The following TMTC1 variants were observed in gnomAD, a reference collection of about 807,000 sequenced individuals.
TMTC1 encodes the protein protein O-mannosyl-transferase TMTC1.
A neutral mutation model predicts 104.8 loss-of-function variants in TMTC1; 73 were observed. The ratio of observed to expected loss-of-function variants is 0.70; its 90% CI spans 0.58 to 0.85. The LOEUF is 0.85. Among genes scored for constraint, TMTC1 ranks in the 40% least tolerant of loss-of-function variants. The pLI is 0.00. For missense variants in TMTC1, 1,035 were observed against 1,096.1 expected, an observed-to-expected ratio of 0.94 and a Z score of 0.79; for synonymous variants, 434 against 428.7, an observed-to-expected ratio of 1.01 and a Z score of -0.15.
chr12:29,751,400 C>T (rs1943086742), intron 5 of TMTC1, among the ~76,000 whole-genome samples: 2 of 152,236 alleles, frequency 1.3e-5, no homozygotes, highest in South Asian at 2.1e-4. Context: ...TCTTCTGATG[C>T]CTGAGGCTGC....
chr12:29,575,588 G>C (rs1434907446), intron 8 of TMTC1, among the ~76,000 whole-genome samples: 1 of 151,180 alleles, frequency 6.6e-6, no homozygotes, highest in Non-Finnish European at 1.5e-5. Context: ...CTCTCCAGAG[G>C]AGGGATCTGA....
At chr12:29,605,529 C>CA (rs904577046) in intron 6 of TMTC1, among the ~76,000 whole-genome samples, 1 of 109,084 alleles carries the variant, frequency 9.2e-6, no homozygotes, top group Non-Finnish European at 1.8e-5. Context: ...GATTATGTAA[C>CA]AAGCCTTCAA....
chr12:29,710,312 G>A (rs1361105774), intron 5 of TMTC1, among the ~76,000 whole-genome samples: 2 of 151,932 alleles, frequency 1.3e-5, no homozygotes, highest in Non-Finnish European at 2.9e-5. Flanking sequence ...GGCTGCTCTT[G>A]CTCCCAGCTG....
At chr12:29,768,635 T>C (rs1257258522) in intron 1 of TMTC1, among the ~76,000 whole-genome samples, 3 of 152,196 alleles carry the variant, frequency 2.0e-5, no homozygotes, top group Non-Finnish European at 4.4e-5. Context: ...CAAAGGAAGC[T>C]TTAGGGAACC....
At chr12:29,645,762 C>A (rs539196613) in intron 5 of TMTC1, among the ~76,000 whole-genome samples, 20 of 152,310 alleles carry the variant, frequency 1.3e-4, no homozygotes, top group African/African-American at 4.6e-4. Flanking sequence ...CTGCTGACCA[C>A]GCATCAGGCT....
intron 1 of TMTC1, among the ~76,000 whole-genome samples, chr12:29,772,818 T>A (rs1943624521): frequency 6.6e-6 from 1 of 152,176 alleles, no homozygotes. Context: ...ACCAATTTTT[T>A]AAAAAACTCA....
chr12:29,739,292 T>C (rs1442406526), intron 5 of TMTC1, among the ~76,000 whole-genome samples: 1 of 150,588 alleles, frequency 6.6e-6, no homozygotes, highest in East Asian at 2.3e-4. Flanking sequence ...CACGCATTCA[T>C]GTACACACAC....
intron 5 of TMTC1, among the ~76,000 whole-genome samples, chr12:29,738,676 G>A (rs918685857): frequency 4.6e-5 from 7 of 152,124 alleles, no homozygotes; most frequent in East Asian, 1.9e-4. Flanking sequence ...GTCAGAAACC[G>A]GAAATCAAAA....
intron 16 of TMTC1, among the ~76,000 whole-genome samples, chr12:29,512,968 A>G (rs746249005): frequency 8.5e-5 from 13 of 152,222 alleles, no homozygotes; most frequent in Non-Finnish European, 1.8e-4. Flanking sequence ...ATCAAATAAA[A>G]TCTGGTCCAT....
chr12:29,691,920 T>C lies in TMTC1; in HGVS notation c.939-58584A>G, dbSNP rs181005243. Among the ~76,000 whole-genome samples, 13 of 144,648 alleles carry C rather than the reference T, an allele frequency of 9.0e-5. 4 individuals are homozygous for C. The highest frequency in any genetic ancestry group is 3.3e-4 in the African/African-American group (13 of 39,594). The allele number at this position is 144,648 out of a possible 152,430, so 94.9% of individuals were successfully genotyped here. On this transcript the variant is annotated intron_variant, in intron 5 of 17. Coordinates refer to ENST00000539277, the MANE Select transcript of TMTC1 (RefSeq NM_001193451.2). ...CACATCACCTCTGTAAAAGGCATTA[T>C]AGAAGACCTTAACAAATCGAAGAAA...
intron 8 of TMTC1, among the ~76,000 whole-genome samples, chr12:29,581,335 C>T (rs1265201770): frequency 6.6e-6 from 1 of 152,112 alleles, no homozygotes; most frequent in African/African-American, 2.4e-5. Context: ...TTTCTCAGGA[C>T]ATAGATAAAT....
chr12:29,514,694 T>C (rs1248587434), intron 15 of TMTC1, 90 bp from the exon 16 acceptor site: 13 of 1,395,402 alleles, frequency 9.3e-6, no homozygotes, highest in Non-Finnish European at 1.3e-5. Context: ...TTTGTTCCTA[T>C]GTGTCAGCAG....
At chr12:29,758,849 A>T in intron 2 of TMTC1, 72 bp from the exon 3 acceptor site, 3 of 1,269,222 alleles carry the variant, frequency 2.4e-6, no homozygotes, top group Non-Finnish European at 3.2e-6. Context: ...CAAATCCATT[A>T]CAGAAATGTA....
At chr12:29,508,516 C>A (rs2136126524) in intron 17 of TMTC1, among the ~76,000 whole-genome samples, 1 of 152,308 alleles carries the variant, frequency 6.6e-6, no homozygotes, top group African/African-American at 2.4e-5. Context: ...GATCACCAGG[C>A]TTCTCTGTCC....
intron 7 of TMTC1, among the ~76,000 whole-genome samples, chr12:29,597,233 C>CTTTCTTTTTTTTTTTTTTT (rs1565697536): frequency 1.5e-5 from 2 of 131,342 alleles, no homozygotes; most frequent in African/African-American, 7.4e-5. Flanking sequence ...TTCTTTCTTT[C>CTTTCTTTTTTTTTTTTTTT]TTTTCTTTCT....
intron 5 of TMTC1, chr12:29,661,034 G>T: frequency 2.7e-6 from 1 of 372,298 alleles, no homozygotes; most frequent in Non-Finnish European, 4.4e-6. Context: ...CTGGGTTTCC[G>T]TTCCCAGTTC....
intron 14 of TMTC1, among the ~76,000 whole-genome samples, chr12:29,516,878 A>T (rs2136147437): frequency 6.6e-6 from 1 of 152,334 alleles, no homozygotes. Flanking sequence ...CAAACACTGA[A>T]ATAAAAATTT....
intron 11 of TMTC1, among the ~76,000 whole-genome samples, chr12:29,527,415 G>C (rs1003467625): frequency 1.3e-5 from 2 of 152,322 alleles, no homozygotes; most frequent in Admixed American, 6.5e-5. Flanking sequence ...CAATAATGTA[G>C]CTGTGGGAGG....
chr12:29,713,300 TACAC>T (rs10574727), intron 5 of TMTC1, among the ~76,000 whole-genome samples: 5,178 of 134,414 alleles, frequency 0.039, 236 homozygotes, highest in African/African-American at 0.12. Context: ...CATAAACACA[TACAC>T]ACACACACAC....
Sources: allele counts gnomAD v4.1 joint callset (sites outside exome capture counted in the v4.1 genomes callset), GRCh38; gene constraint gnomAD v4.1.1; transcripts MANE v1.5; gene names NCBI Gene and HGNC (gene_info 2026-07-23, HGNC 2026-07-21).